The following NEXMIF variants were observed in gnomAD, a reference collection of about 807,000 sequenced individuals.
NEXMIF encodes XLMR protein related to neurite extension.
In NEXMIF, 8 loss-of-function variants were observed where a neutral mutation model predicts 62.1. The observed-to-expected ratio is 0.13, with a 90% CI of 0.08 to 0.23. The LOEUF (loss-of-function observed/expected upper bound fraction) is 0.23. NEXMIF is among the 10% of genes least tolerant of loss of function. The pLI is 1.00. For synonymous variants in NEXMIF, 404 were observed against 416.6 expected (o/e 0.97, Z 0.37); for missense variants, 976 against 1,113.3 (o/e 0.88, Z 1.75).
intron 1 of NEXMIF, among the ~76,000 whole-genome samples, chrX:74,807,896 T>C (rs781178582): frequency 8.9e-6 from 1 of 112,237 alleles, no homozygotes; most frequent in Admixed American, 9.4e-5. Context: ...AGTATACTTT[T>C]AGCTGTAGGT....
intron 1 of NEXMIF, among the ~76,000 whole-genome samples, chrX:74,794,212 C>G (rs2080297065): frequency 9.0e-6 from 1 of 110,511 alleles, no homozygotes; most frequent in African/African-American, 3.3e-5. Flanking sequence ...CCCTCAGCTG[C>G]AGGTCTGTTG....
intron 1 of NEXMIF, among the ~76,000 whole-genome samples, chrX:74,762,520 A>T (rs2080180052): frequency 9.0e-6 from 1 of 111,513 alleles, no homozygotes; most frequent in Non-Finnish European, 1.9e-5. Flanking sequence ...CTAGTTCTAG[A>T]TCCCTGAGGA....
At chrX:74,819,122 G>A (rs1365150308) in intron 1 of NEXMIF, among the ~76,000 whole-genome samples, 1 of 111,956 alleles carries the variant, frequency 8.9e-6, no homozygotes, top group African/African-American at 3.2e-5. Context: ...GGAAAAACTG[G>A]CTAGCCGTAT....
chrX:74,884,889 C>T (rs754433437), intron 1 of NEXMIF, among the ~76,000 whole-genome samples: 75 of 111,492 alleles, frequency 6.7e-4, no homozygotes, highest in Admixed American at 2.7e-3. Context: ...TGACCACATT[C>T]TTGGAAGTAA....
intron 1 of NEXMIF, among the ~76,000 whole-genome samples, chrX:74,798,444 C>T (rs775493016): frequency 1.5e-4 from 17 of 112,087 alleles, no homozygotes; most frequent in Middle Eastern, 4.6e-3. Flanking sequence ...CTCTGGCTTT[C>T]CCGTAAAGTT....
chrX:74,752,578 T>C (rs1457421582), intron 1 of NEXMIF, among the ~76,000 whole-genome samples: 1 of 111,563 alleles, frequency 9.0e-6, no homozygotes, highest in Admixed American at 9.6e-5. Flanking sequence ...TGAGAAAGCA[T>C]GTACAAATGC....
At chrX:74,876,501 T>G (rs1417518189) in intron 1 of NEXMIF, among the ~76,000 whole-genome samples, 2 of 109,823 alleles carry the variant, frequency 1.8e-5, no homozygotes, top group African/African-American at 6.7e-5. Context: ...TAGATGTCTA[T>G]TAGGTTCGCT....
chrX:74,920,056 T>C (rs1033400741), intron 1 of NEXMIF, among the ~76,000 whole-genome samples: 7 of 112,028 alleles, frequency 6.2e-5, no homozygotes, highest in Non-Finnish European at 1.3e-4. Context: ...TCCAAGTCTT[T>C]GCTATTGTGA....
At chrX:74,819,170 T>C (rs1348624638) in intron 1 of NEXMIF, among the ~76,000 whole-genome samples, 2 of 112,050 alleles carry the variant, frequency 1.8e-5, no homozygotes, top group Non-Finnish European at 1.9e-5. Flanking sequence ...TTACACCTTG[T>C]ACAAAAATTA....
chrX:74,819,187 G>T (rs2080386238), intron 1 of NEXMIF, among the ~76,000 whole-genome samples: 1 of 112,028 alleles, frequency 8.9e-6, no homozygotes, highest in Non-Finnish European at 1.9e-5. Flanking sequence ...ATTAATTCAA[G>T]ATGGATTAAA....
Position 74,740,478 on chromosome X carries a change from T to C in NEXMIF, c.4079A>G (p.Asn1360Ser). The C allele has an allele frequency of 1.7e-6, 2 of 1,211,405 alleles. No homozygotes were observed. The highest frequency in any genetic ancestry group is 2.2e-6 in the Non-Finnish European group (2 of 895,351). Residue 1360 changes from asparagine to serine, a missense_variant, in exon 3 of 4, where the codon AAT (asparagine) becomes AGT (serine). Transcript: ENST00000055682. ...TTTGAGGGTTTTTAATTTTAGACTA[T>C]TGGACTCAGGGGAGTAGAATATGTT... is the stretch of plus-strand genomic sequence containing the variant. Reference protein sequence around the residue: ...DPNIFYSPESNSLKLKTLKIL... With the variant: ...DPNIFYSPESSSLKLKTLKIL...
intron 1 of NEXMIF, among the ~76,000 whole-genome samples, chrX:74,851,811 AACAG>A (rs2080514731): frequency 8.9e-6 from 1 of 111,792 alleles, no homozygotes; most frequent in Non-Finnish European, 1.9e-5. Flanking sequence ...TGGTAGAGCA[AACAG>A]ACAAACAAGG....
At chrX:74,861,275 C>T (rs1228584438) in intron 1 of NEXMIF, among the ~76,000 whole-genome samples, 1 of 111,589 alleles carries the variant, frequency 9.0e-6, no homozygotes, top group Middle Eastern at 4.3e-3. Context: ...TGAAATAAGA[C>T]AGGCAGGCAA....
chrX:74,906,156 C>T (rs6647573), intron 1 of NEXMIF, among the ~76,000 whole-genome samples: 1,224 of 109,298 alleles, frequency 0.011, 20 homozygotes, highest in African/African-American at 0.039. Context: ...GCCTGTAATG[C>T]CAGCTACTTG....
chrX:74,853,799 GAACAACTATACATT>G lies in NEXMIF; in HGVS notation c.-48+71070_-48+71083del, dbSNP rs779281147. Among the ~76,000 whole-genome samples the G allele has an allele frequency of 4.5e-5, 5 of 111,395 alleles. No homozygotes were observed. The East Asian group carries it at 1.4e-3, about 32-fold the overall frequency. On this transcript the variant is annotated intron_variant, in intron 1 of 3. Coordinates refer to ENST00000055682, the MANE Select transcript of NEXMIF (RefSeq NM_001008537.3). The stretch of plus-strand genomic sequence containing the variant: ...ATAAAAGATCATCAGAGCCTATTAA[GAACAACTATACATT>G]AACAAACTGGAAGACCTAGAGGAAA...
At position 74,741,264 on chromosome X, in the gene NEXMIF, A is replaced by G; in HGVS notation, c.3293T>C (p.Phe1098Ser). The change falls in exon 3 of 4, where the codon TTC becomes TCC. Residue 1098 changes from phenylalanine to serine, a missense_variant. By Grantham distance (155) the Phe-to-Ser change is radical. Coordinates refer to ENST00000055682, the MANE Select transcript of NEXMIF (RefSeq NM_001008537.3). ...SMKTLGTLKG[F>S]QEGVPGPLDS... The stretch of plus-strand genomic sequence containing the variant: ...CAATGGTCCTGGGACACCCTCTTGG[A>G]ACCCCTTTAGTGTTCCTAGTGTCTT... The G allele has an allele frequency of 8.3e-7, 1 of 1,211,285 alleles. No homozygotes were observed. Among genetic ancestry groups the G allele is most frequent in the Non-Finnish European group, 1.1e-6 (1 of 895,199 alleles).
At chrX:74,852,664 C>T (rs2080519986) in intron 1 of NEXMIF, among the ~76,000 whole-genome samples, 1 of 111,771 alleles carries the variant, frequency 8.9e-6, no homozygotes, top group Non-Finnish European at 1.9e-5. Context: ...ACTACAAACA[C>T]ATGGAAATTA....
At chrX:74,773,764 C>T (rs765864128) in intron 1 of NEXMIF, among the ~76,000 whole-genome samples, 1 of 108,859 alleles carries the variant, frequency 9.2e-6, no homozygotes, top group African/African-American at 3.3e-5. Flanking sequence ...CAAAAATTAG[C>T]TGGGCATAGT....
intron 1 of NEXMIF, among the ~76,000 whole-genome samples, chrX:74,786,864 T>C (rs73625824): frequency 0.055 from 6,103 of 110,019 alleles, 200 homozygotes; most frequent in South Asian, 0.13. Context: ...TGTGCGTGTG[T>C]GCACACACAC....
Sources: gnomAD v4.1 joint callset for allele counts (sites outside exome capture counted in the v4.1 genomes callset) on GRCh38, gnomAD v4.1.1 for gene constraint, MANE v1.5 for transcripts, NCBI Gene and HGNC (gene_info 2026-07-23, HGNC 2026-07-21) for gene names.